ARHGAP15: variants seen among roughly 807,000 people sequenced by gnomAD.
ARHGAP15 encodes the protein rho GTPase-activating protein 15.
A neutral mutation model predicts 63.7 loss-of-function variants in ARHGAP15; 51 were observed. That is an observed-to-expected ratio of 0.80 (90% CI 0.64 to 1.01). The LOEUF is 1.01. ARHGAP15 is among the 50% of genes least tolerant of loss of function. ARHGAP15 has a pLI of 0.00. For synonymous variants in ARHGAP15, 191 were observed against 193.8 expected (o/e 0.99, Z 0.12); for missense variants, 560 against 564.6 (o/e 0.99, Z 0.08).
intron 13 of ARHGAP15, among the ~76,000 whole-genome samples, chr2:143,704,303 A>G (rs1372076112): frequency 1.3e-5 from 2 of 152,176 alleles, no homozygotes; most frequent in African/African-American, 4.8e-5. Flanking sequence ...AAAGGTGAAG[A>G]GAGGAAGACC....
chr2:143,443,142 G>T (rs1317827825), intron 8 of ARHGAP15, among the ~76,000 whole-genome samples: 1 of 152,094 alleles, frequency 6.6e-6, no homozygotes, highest in African/African-American at 2.4e-5. Context: ...TGTGAAGCCT[G>T]TTCTGGAGGC....
At chr2:143,548,609 T>C (rs1450180764) in intron 10 of ARHGAP15, among the ~76,000 whole-genome samples, 1 of 151,892 alleles carries the variant, frequency 6.6e-6, no homozygotes, top group East Asian at 1.9e-4. Flanking sequence ...CTTAAGAGAA[T>C]AAAAATTCTT....
chr2:143,685,527 A>T (rs1683294791), intron 12 of ARHGAP15, among the ~76,000 whole-genome samples: 1 of 152,166 alleles, frequency 6.6e-6, no homozygotes, highest in Non-Finnish European at 1.5e-5. Flanking sequence ...AAATTCACAA[A>T]CCTGGCATTC....
At chr2:143,404,774 A>C (rs1688128900) in intron 6 of ARHGAP15, among the ~76,000 whole-genome samples, 1 of 151,990 alleles carries the variant, frequency 6.6e-6, no homozygotes, top group Non-Finnish European at 1.5e-5. Context: ...CTCATCAGGC[A>C]ACAGCATTAA....
chr2:143,746,567 T>C (rs950496099), intron 13 of ARHGAP15, among the ~76,000 whole-genome samples: 2 of 152,152 alleles, frequency 1.3e-5, no homozygotes, highest in African/African-American at 4.8e-5. Context: ...CAGCCAAACA[T>C]AAAACAAAAA....
At chr2:143,691,386 G>C (rs528873669) in intron 12 of ARHGAP15, among the ~76,000 whole-genome samples, 20 of 152,100 alleles carry the variant, frequency 1.3e-4, no homozygotes, top group African/African-American at 4.8e-4. Flanking sequence ...CTTAACGCAC[G>C]GCTAAGCAAA....
intron 13 of ARHGAP15, among the ~76,000 whole-genome samples, chr2:143,744,434 G>T (rs1212264066): frequency 6.6e-6 from 1 of 152,198 alleles, no homozygotes; most frequent in South Asian, 2.1e-4. Flanking sequence ...GTGCGAGTTT[G>T]TGTTAGTTGC....
intron 12 of ARHGAP15, among the ~76,000 whole-genome samples, chr2:143,637,281 C>A (rs1047401518): frequency 1.3e-5 from 2 of 152,086 alleles, no homozygotes; most frequent in Non-Finnish European, 2.9e-5. Flanking sequence ...ATATCTTCCT[C>A]TTACTATGAT....
chr2:143,518,419 G>T (rs372236919), intron 9 of ARHGAP15, among the ~76,000 whole-genome samples: 1 of 152,200 alleles, frequency 6.6e-6, no homozygotes, highest in East Asian at 1.9e-4. Context: ...TTAGTCTGGA[G>T]ACATGCTCTC....
intron 11 of ARHGAP15, among the ~76,000 whole-genome samples, chr2:143,574,097 T>C (rs1696570372): frequency 6.6e-6 from 1 of 152,112 alleles, no homozygotes; most frequent in African/African-American, 2.4e-5. Context: ...TACCTGAACC[T>C]ATTAAAGGAG....
At chr2:143,307,754 C>T (rs563583711) in intron 6 of ARHGAP15, among the ~76,000 whole-genome samples, 2 of 152,126 alleles carry the variant, frequency 1.3e-5, no homozygotes, top group East Asian at 3.9e-4. Flanking sequence ...GAGAGCTGAA[C>T]ATTAGGGGGT....
chr2:143,323,200 A>T (rs1684101849), intron 6 of ARHGAP15, among the ~76,000 whole-genome samples: 1 of 152,230 alleles, frequency 6.6e-6, no homozygotes, highest in African/African-American at 2.4e-5. Flanking sequence ...AGGAACACGT[A>T]CAGGTTTGTT....
At chr2:143,646,489 G>C (rs1479639011) in intron 12 of ARHGAP15, among the ~76,000 whole-genome samples, 1 of 151,906 alleles carries the variant, frequency 6.6e-6, no homozygotes, top group Non-Finnish European at 1.5e-5. Flanking sequence ...TGGTCTGTGA[G>C]CCACTGTTTT....
intron 5 of ARHGAP15, among the ~76,000 whole-genome samples, chr2:143,231,585 A>G (rs1693444146): frequency 6.6e-6 from 1 of 152,182 alleles, no homozygotes; most frequent in Non-Finnish European, 1.5e-5. Flanking sequence ...CATTTAATAC[A>G]GCATGTTACA....
At chr2:143,267,185 A>C (rs186059565) in intron 6 of ARHGAP15, among the ~76,000 whole-genome samples, 14 of 152,310 alleles carry the variant, frequency 9.2e-5, no homozygotes, top group African/African-American at 2.9e-4. Flanking sequence ...GTCCCTACAC[A>C]ACTAAATATT....
At chr2:143,478,761 T>G (rs996757101) in intron 8 of ARHGAP15, among the ~76,000 whole-genome samples, 1 of 152,348 alleles carries the variant, frequency 6.6e-6, no homozygotes, top group Non-Finnish European at 1.5e-5. Context: ...AAATTAAGAC[T>G]ATTTTAGAAG....
At chr2:143,634,664 T>A (rs988147715) in intron 12 of ARHGAP15, among the ~76,000 whole-genome samples, 9 of 152,166 alleles carry the variant, frequency 5.9e-5, no homozygotes, top group African/African-American at 2.2e-4. Flanking sequence ...AAAGCGGCCA[T>A]CTTCATTCTG....
chr2:143,657,452 C>T (rs181845415), intron 12 of ARHGAP15, among the ~76,000 whole-genome samples: 16 of 152,262 alleles, frequency 1.1e-4, no homozygotes, highest in Non-Finnish European at 2.1e-4. Flanking sequence ...AATAGTATGT[C>T]GCTGATGTAC....
intron 6 of ARHGAP15, among the ~76,000 whole-genome samples, chr2:143,273,155 C>CTA (rs1255801513): frequency 6.6e-6 from 1 of 151,978 alleles, no homozygotes; most frequent in Non-Finnish European, 1.5e-5. Context: ...TTTGTGAACA[C>CTA]TATATTATTT....
Sources: gnomAD v4.1 joint callset for allele counts (sites outside exome capture counted in the v4.1 genomes callset) on GRCh38, gnomAD v4.1.1 for gene constraint, MANE v1.5 for transcripts, NCBI Gene and HGNC (gene_info 2026-07-23, HGNC 2026-07-21) for gene names.